Variants in PHF21A observed in about 807,000 individuals in gnomAD.
PHF21A encodes the protein PHD finger protein 21A, also known as BHC80a.
PHF21A carries 11 observed loss-of-function variants against 82.5 expected under a neutral mutation model. That is an observed-to-expected ratio of 0.13 (90% CI 0.08 to 0.22). PHF21A has a LOEUF of 0.22. Ranked by LOEUF, PHF21A falls within the 10% of genes least tolerant of loss-of-function variation. The pLI, the probability that PHF21A is intolerant of heterozygous loss-of-function variation, is 1.00. For missense variants in PHF21A, 579 were observed against 837.8 expected (o/e 0.69, Z 3.81); for synonymous variants, 297 against 302.8 (o/e 0.98, Z 0.20).
At chr11:46,040,889 A>AG (rs1231741450) in intron 6 of PHF21A, among the ~76,000 whole-genome samples, 2 of 120,594 alleles carry the variant, frequency 1.7e-5, no homozygotes, top group Admixed American at 8.6e-5. Flanking sequence ...ACTGACAGGA[A>AG]GACACACACA....
chr11:45,986,439 G>C (rs1474842888), intron 6 of PHF21A, among the ~76,000 whole-genome samples: 1 of 151,518 alleles, frequency 6.6e-6, no homozygotes, highest in East Asian at 1.9e-4. Context: ...TTGTACTCAA[G>C]AGAGATGTGA....
intron 1 of PHF21A, among the ~76,000 whole-genome samples, chr11:46,108,055 G>A (rs894861533): frequency 6.6e-6 from 1 of 151,954 alleles, no homozygotes; most frequent in Non-Finnish European, 1.5e-5. Flanking sequence ...AATATTACAT[G>A]TATTATCTTG....
chr11:45,956,626 G>T (rs918946653), intron 10 of PHF21A, among the ~76,000 whole-genome samples: 3 of 152,004 alleles, frequency 2.0e-5, no homozygotes, highest in African/African-American at 7.3e-5. Flanking sequence ...TGTTAAAAAC[G>T]TATGAATGTT....
At chr11:46,090,367 A>G (rs2096909868) in intron 3 of PHF21A, 88 bp downstream of exon 3, 1 of 152,222 alleles carries the variant, frequency 6.6e-6, no homozygotes. Flanking sequence ...ACTTAATAGA[A>G]GTGGAAGTTA....
chr11:45,996,293 T>C (rs1486682603), intron 6 of PHF21A, among the ~76,000 whole-genome samples: 1 of 152,196 alleles, frequency 6.6e-6, no homozygotes, highest in Non-Finnish European at 1.5e-5. Context: ...GTACTCAAGG[T>C]AGTAAAGCTT....
chr11:46,103,146 ACTGATTTTCAAAATTGTATAATT>A (rs1176805325), intron 1 of PHF21A, among the ~76,000 whole-genome samples: 1 of 152,218 alleles, frequency 6.6e-6, no homozygotes, highest in African/African-American at 2.4e-5. Flanking sequence ...GCAGGGACAA[ACTGATTTTCAAAATTGTATAATT>A]CTTTAACTCA....
intron 7 of PHF21A, among the ~76,000 whole-genome samples, chr11:45,977,417 G>GT (rs1565364013): frequency 6.6e-6 from 1 of 152,092 alleles, no homozygotes; most frequent in Non-Finnish European, 1.5e-5. Flanking sequence ...GATTACAGGC[G>GT]TGTGCCACTG....
chr11:46,108,691 C>T (rs1300870970), intron 1 of PHF21A, among the ~76,000 whole-genome samples: 1 of 151,840 alleles, frequency 6.6e-6, no homozygotes, highest in African/African-American at 2.4e-5. Flanking sequence ...GACTTTCTAA[C>T]TTAGATGCAC....
chr11:46,100,581 G>A (rs548877051), intron 1 of PHF21A, among the ~76,000 whole-genome samples: 204 of 152,292 alleles, frequency 1.3e-3, no homozygotes, highest in Non-Finnish European at 2.5e-3. Context: ...TGTTAAGTAA[G>A]TATACTCCTT....
intron 13 of PHF21A, 22 bp from the exon 14 acceptor site, chr11:45,948,968 A>G: frequency 6.2e-7 from 1 of 1,603,574 alleles, no homozygotes; most frequent in Non-Finnish European, 8.5e-7. Context: ...GAAGGAGGAA[A>G]GGTGACTGTT....
intron 6 of PHF21A, among the ~76,000 whole-genome samples, chr11:46,016,750 A>G (rs1309724370): frequency 6.6e-6 from 1 of 151,702 alleles, no homozygotes; most frequent in Non-Finnish European, 1.5e-5. Flanking sequence ...ATAGCCCACT[A>G]CCTGGAGCTT....
intron 1 of PHF21A, among the ~76,000 whole-genome samples, chr11:46,113,217 C>A (rs1014917767): frequency 6.6e-6 from 1 of 152,124 alleles, no homozygotes; most frequent in Non-Finnish European, 1.5e-5. Flanking sequence ...GTAAGTAAAC[C>A]ACGTTATCAC....
At chr11:45,997,847 T>C (rs933723277) in intron 6 of PHF21A, among the ~76,000 whole-genome samples, 1 of 152,178 alleles carries the variant, frequency 6.6e-6, no homozygotes, top group Non-Finnish European at 1.5e-5. Flanking sequence ...TCACCAGCAA[T>C]AGGTCCTCTT....
chr11:46,103,622 G>A (rs1396558707), intron 1 of PHF21A, among the ~76,000 whole-genome samples: 1 of 152,096 alleles, frequency 6.6e-6, no homozygotes, highest in Non-Finnish European at 1.5e-5. Flanking sequence ...TGGTACAGCT[G>A]GGTTAGTGAG....
intron 6 of PHF21A, among the ~76,000 whole-genome samples, chr11:46,032,664 A>G (rs977619807): frequency 1.3e-5 from 2 of 152,184 alleles, no homozygotes; most frequent in African/African-American, 4.8e-5. Flanking sequence ...AAGGCTATAT[A>G]TACTTTCATC....
At chr11:46,054,843 C>T (rs2096427703) in intron 6 of PHF21A, among the ~76,000 whole-genome samples, 3 of 152,176 alleles carry the variant, frequency 2.0e-5, no homozygotes, top group African/African-American at 7.2e-5. Context: ...TTCAGCTCTA[C>T]ACCTTGAAGC....
chr11:45,965,696 G>A (rs2093394291), intron 9 of PHF21A, 88 bp from the exon 10 acceptor site: 1 of 971,648 alleles, frequency 1.0e-6, no homozygotes, highest in Non-Finnish European at 1.5e-6. Context: ...TGTATGAAAT[G>A]GTGTTTAATA....
At chr11:46,010,881 C>T (rs898822562) in intron 6 of PHF21A, among the ~76,000 whole-genome samples, 1 of 152,058 alleles carries the variant, frequency 6.6e-6, no homozygotes, top group African/African-American at 2.4e-5. Flanking sequence ...TTAAAGTAAC[C>T]AGGCAGTGAA....
intron 1 of PHF21A, among the ~76,000 whole-genome samples, chr11:46,107,037 G>A (rs1428384623): frequency 6.6e-6 from 1 of 152,198 alleles, no homozygotes; most frequent in Non-Finnish European, 1.5e-5. Context: ...TCTTCTGCAG[G>A]AAGAATGGCC....
Sources: allele counts gnomAD v4.1 joint callset (sites outside exome capture counted in the v4.1 genomes callset), GRCh38; gene constraint gnomAD v4.1.1; transcripts MANE v1.5; gene names NCBI Gene and HGNC (gene_info 2026-07-23, HGNC 2026-07-21).